HKDC1: variants seen among roughly 807,000 people sequenced by gnomAD.
The protein encoded by HKDC1 is hexokinase HKDC1.
Under a neutral mutation model 96.6 loss-of-function variants are expected in HKDC1, and 66 were observed. The observed-to-expected ratio is 0.68, with a 90% CI of 0.56 to 0.84. The LOEUF (loss-of-function observed/expected upper bound fraction) is 0.84. HKDC1 is among the 40% of genes least tolerant of loss of function. The pLI is 0.00. For synonymous variants in HKDC1, 466 were observed against 473.1 expected, an observed-to-expected ratio of 0.98 and a Z score of 0.20; for missense variants, 1,211 against 1,208.1, an observed-to-expected ratio of 1.00 and a Z score of -0.04.
chr10:69,264,242 TC>T (rs1843855396), intron 16 of HKDC1, among the ~76,000 whole-genome samples: 2 of 147,550 alleles, frequency 1.4e-5, no homozygotes, highest in African/African-American at 5.0e-5. Flanking sequence ...TGTGTGTGTG[TC>T]TTTTTTTAAT....
At chr10:69,240,818 G>A (rs755993560) in intron 6 of HKDC1, 67 bp downstream of exon 6, 39 of 1,225,964 alleles carry the variant, frequency 3.2e-5, no homozygotes, top group East Asian at 9.4e-5. Flanking sequence ...TCATTTCAGC[G>A]AGCTCTGAGT....
At chr10:69,237,277 TTGTGTGTGTGTG>T (rs71035080) in intron 4 of HKDC1, among the ~76,000 whole-genome samples, 16,349 of 145,570 alleles carry the variant, frequency 0.11, 996 homozygotes, top group Middle Eastern at 0.18. Context: ...AGAAATTTCT[TTGTGTGTGTGTG>T]TGTGTGTGTG....
chr10:69,258,994 G>T lies in HKDC1; in HGVS notation c.2216+35G>T. The T allele has an allele frequency of 4.1e-6, 6 of 1,480,374 alleles. No individual in the cohort carries two copies. The South Asian group carries it at 7.1e-5, about 17-fold the overall frequency. 91.7% of individuals were successfully genotyped at this position (1,480,374 alleles called of 1,614,324 possible). A position where few individuals can be genotyped will look rare whatever the true frequency, so the allele number is the denominator to read the frequency against. On this transcript the variant is annotated intron_variant, in intron 15 of 17. Transcript: ENST00000354624. ...GTGGATGTGTGCATTTATGTGGGTT[G>T]TGTAGTGAACAACACTACCAGACCT...
At chr10:69,242,822 T>C (rs1167644678) in intron 6 of HKDC1, among the ~76,000 whole-genome samples, 4 of 152,354 alleles carry the variant, frequency 2.6e-5, no homozygotes, top group South Asian at 2.1e-4. Context: ...GAAAGAATTT[T>C]CAAAATTACC....
rs1843908391 is a variant in HKDC1 at position 69,266,829 on chromosome 10, A to C, written c.*72A>C. The C allele has an allele frequency of 3.4e-6, 5 of 1,492,474 alleles. No homozygotes were observed. The highest frequency in any genetic ancestry group is 3.6e-6 in the Non-Finnish European group (4 of 1,101,332). The allele number at this position is 1,492,474 out of a possible 1,614,324, so 92.5% of individuals were successfully genotyped here. On this transcript the variant is annotated 3_prime_UTR_variant, in exon 18 of 18. Coordinates refer to ENST00000354624, the MANE Select transcript of HKDC1 (RefSeq NM_025130.4). ...TTCCTCTGGCAGATCAGTTGGTCAG[A>C]GACCAATGGGCACCCTCCTGGCTGA...
intron 12 of HKDC1, among the ~76,000 whole-genome samples, chr10:69,252,277 C>G (rs551961138): frequency 1.3e-5 from 2 of 151,844 alleles, no homozygotes; most frequent in Non-Finnish European, 2.9e-5. Flanking sequence ...TTTGGGAGGT[C>G]GACATGGAAG....
chr10:69,235,967 T>C (rs1490616975), intron 4 of HKDC1, among the ~76,000 whole-genome samples: 1 of 152,148 alleles, frequency 6.6e-6, no homozygotes, highest in Admixed American at 6.5e-5. Flanking sequence ...TGAGAAACAC[T>C]GCAGCTCAGC....
At chr10:69,240,793 G>A in intron 6 of HKDC1, 42 bp downstream of exon 6, 1 of 1,457,340 alleles carries the variant, frequency 6.9e-7, no homozygotes, top group Non-Finnish European at 9.6e-7. Flanking sequence ...GGGGAGAAGG[G>A]ACTGTTTGGG....
At chr10:69,248,391 T>C in intron 9 of HKDC1, 33 bp from the exon 10 acceptor site, 1 of 1,528,342 alleles carries the variant, frequency 6.5e-7, no homozygotes, top group East Asian at 2.3e-5. Flanking sequence ...GCCTTTATGA[T>C]TGCTAAATAT....
chr10:69,257,556 A>G, intron 14 of HKDC1, 130 bp downstream of exon 14: 1 of 760,128 alleles, frequency 1.3e-6, no homozygotes, highest in Non-Finnish European at 2.3e-6. Flanking sequence ...TGAAGTTACA[A>G]TTGGGATTCC....
At chr10:69,245,224 A>T (rs1843521668) in intron 7 of HKDC1, among the ~76,000 whole-genome samples, 1 of 152,196 alleles carries the variant, frequency 6.6e-6, no homozygotes. Flanking sequence ...TTTTATAGTG[A>T]ACTATATAAA....
intron 11 of HKDC1, 48 bp downstream of exon 11, chr10:69,250,483 C>T: frequency 1.2e-6 from 2 of 1,612,678 alleles, no homozygotes; most frequent in Non-Finnish European, 1.7e-6. Flanking sequence ...AGCCTGCCAC[C>T]CTGCATCGAT....
chr10:69,257,146 T>C lies in HKDC1; in HGVS notation c.1932+15T>C. On this transcript the variant is annotated intron_variant, in intron 13 of 17. Coordinates refer to ENST00000354624, the MANE Select transcript of HKDC1 (RefSeq NM_025130.4). ...AGAGGAGAAACGTAGGATGTGGTGT[T>C]GAGGCTCATGCCTGCTCTTGCTGCC... 1 of 1,605,644 alleles carries C rather than the reference T, an allele frequency of 6.2e-7. No homozygotes were observed. The highest frequency in any genetic ancestry group is 8.5e-7 in the Non-Finnish European group (1 of 1,172,276).
At position 69,257,071 on chromosome 10, in the gene HKDC1, C is replaced by T. The variant is rs1169842151; in HGVS notation, c.1872C>T (p.Ala624=). ...TAGGGTGGACCAAAGGTTTCAAGGC[C>T]ACTGACTGTGAAGGGGAGGACGTGG... ...TLIGWTKGFK[A]TDCEGEDVVD... Residue 624 remains alanine, a synonymous_variant, in exon 13 of 18, where the codon GCC becomes GCT. Coordinates refer to ENST00000354624, the MANE Select transcript of HKDC1 (RefSeq NM_025130.4). 1 of 1,613,988 alleles carries T rather than the reference C, an allele frequency of 6.2e-7. No homozygotes were observed. The highest frequency in any genetic ancestry group is 8.5e-7 in the Non-Finnish European group (1 of 1,180,004).
chr10:69,246,559 A>G (rs1381034474), intron 8 of HKDC1, among the ~76,000 whole-genome samples: 5 of 152,224 alleles, frequency 3.3e-5, no homozygotes, highest in African/African-American at 1.2e-4. Context: ...CTAGACCCTT[A>G]GCCCCGAAAA....
chr10:69,257,789 A>G (rs147368423), intron 14 of HKDC1, among the ~76,000 whole-genome samples: 294 of 152,258 alleles, frequency 1.9e-3, no homozygotes, highest in African/African-American at 6.5e-3. Flanking sequence ...TGTTCTCTGA[A>G]TTCTTCTGGT....
chr10:69,254,785 C>T (rs1402411875), intron 12 of HKDC1, among the ~76,000 whole-genome samples: 5 of 152,070 alleles, frequency 3.3e-5, no homozygotes, highest in African/African-American at 1.2e-4. Context: ...AGTTCACACA[C>T]AGCGTGAATT....
chr10:69,265,566 C>T lies in HKDC1; in HGVS notation c.2373-19C>T, dbSNP rs548282746. ...GGTCCTGGGAAGCAGGTCCTGACTC[C>T]CTGCTCTATTGCCTGCAGCGATCGG... On this transcript the variant is annotated intron_variant, in intron 16 of 17. Coordinates refer to ENST00000354624, the MANE Select transcript of HKDC1 (RefSeq NM_025130.4). 1.2e-6 allele frequency: 2 copies of T among 1,611,350 alleles called. No homozygotes were observed. The highest frequency in any genetic ancestry group is 8.5e-7 in the Non-Finnish European group (1 of 1,178,244).
rs573735275 is a variant in HKDC1 at position 69,222,713 on chromosome 10, A to G, written c.63+2215A>G. Among the ~76,000 whole-genome samples, 4 of 152,158 alleles carry G rather than the reference A, an allele frequency of 2.6e-5. No individual in the cohort carries two copies. In the South Asian group the frequency reaches 8.3e-4, roughly 32 times the overall value. ...CAGCCTTTTTCAATGCCGGGAGCTG[A>G]CCTCCCTCTCCCTGTGGGAGGCGAG... On this transcript the variant is annotated intron_variant, in intron 1 of 17. Transcript: ENST00000354624.
Sources: gnomAD v4.1 joint callset for allele counts (sites outside exome capture counted in the v4.1 genomes callset) on GRCh38, gnomAD v4.1.1 for gene constraint, MANE v1.5 for transcripts, NCBI Gene and HGNC (gene_info 2026-07-23, HGNC 2026-07-21) for gene names.